Variants in FZD3 observed in about 807,000 individuals in gnomAD.
FZD3 encodes the protein frizzled class receptor 3.
A neutral mutation model predicts 60.7 loss-of-function variants in FZD3; 30 were observed. That is an observed-to-expected ratio of 0.49 (90% CI 0.37 to 0.67). FZD3 has a LOEUF of 0.67. Ranked by LOEUF, FZD3 falls within the 30% of genes least tolerant of loss-of-function variation. The pLI is 0.00. For synonymous variants in FZD3, 246 were observed against 275.2 expected (o/e 0.89, Z 1.05); for missense variants, 605 against 838.7 (o/e 0.72, Z 3.44).
At position 28,551,633 on chromosome 8, in the gene FZD3, C is replaced by G. The variant is rs1251722032; in HGVS notation, c.1435C>G (p.Leu479Val). 1 of 1,610,372 alleles carries G rather than the reference C, an allele frequency of 6.2e-7. No homozygotes were observed. The highest frequency in any genetic ancestry group is 8.5e-7 in the Non-Finnish European group (1 of 1,177,090). Residue 479 changes from leucine to valine, a missense_variant, in exon 6 of 8, where the codon CTC (leucine) becomes GTC (valine). Leu to Val is a conservative substitution (Grantham distance 32, BLOSUM62 1). Coordinates refer to ENST00000240093, the MANE Select transcript of FZD3 (RefSeq NM_017412.4). Reference sequence around the variant, plus strand: ...TCAAATGAGTCGTCCAGACTTGATTCTCTTTCTGATGAAATACCTGATGGC... The same window carrying G: ...TCAAATGAGTCGTCCAGACTTGATTGTCTTTCTGATGAAATACCTGATGGC... ...VTQMSRPDLILFLMKYLMALI... is the reference protein window; with the variant it reads ...VTQMSRPDLIVFLMKYLMALI...
chr8:28,532,702 T>A (rs1420519958), intron 5 of FZD3, among the ~76,000 whole-genome samples: 1 of 152,166 alleles, frequency 6.6e-6, no homozygotes, highest in Non-Finnish European at 1.5e-5. Flanking sequence ...TGTGAGCTAC[T>A]GTGCCTGGCC....
In FZD3 at chr8:28,503,066, G is replaced by A; in HGVS notation, c.53G>A (p.Gly18Glu). 6.2e-7 allele frequency: 1 copy of A among 1,613,652 alleles called. No individual in the cohort carries two copies. Among genetic ancestry groups the A allele is most frequent in the Non-Finnish European group, 8.5e-7 (1 of 1,179,684 alleles). Reference protein sequence around the residue: ...FSLWPLTVFMGHIGGHSLFSC... With the variant: ...FSLWPLTVFMEHIGGHSLFSC... The stretch of plus-strand genomic sequence containing the variant: ...CTTTGGCCCTTGACTGTGTTCATGG[G>A]GCATATAGGTGGGCACAGTTTGTTT... The change falls in exon 3 of 8, where the codon GGG becomes GAG. Residue 18 changes from glycine to glutamate, a missense_variant. Coordinates refer to ENST00000240093, the MANE Select transcript of FZD3 (RefSeq NM_017412.4).
chr8:28,528,183 C>A lies in FZD3; in HGVS notation c.1404+19C>A, dbSNP rs1804769738. 3 of 1,561,964 alleles carry A rather than the reference C, an allele frequency of 1.9e-6. No individual in the cohort carries two copies. Among genetic ancestry groups the A allele is most frequent in the South Asian group, 1.2e-5 (1 of 85,388 alleles). ...ATATCAGGTAAGGGAAACCTTGTTA[C>A]AAATTTCAGAATATATGATAATGAA... On this transcript the variant is annotated intron_variant, in intron 5 of 7. Coordinates refer to ENST00000240093, the MANE Select transcript of FZD3 (RefSeq NM_017412.4).
chr8:28,559,311 A>G (rs1805572732), intron 7 of FZD3, among the ~76,000 whole-genome samples: 1 of 152,208 alleles, frequency 6.6e-6, no homozygotes, highest in Non-Finnish European at 1.5e-5. Context: ...ATTCACAGTA[A>G]TAATAATACA....
rs1394713141 is a variant in FZD3, at chr8:28,551,228, C to CT, written c.1405-374dup. Among the ~76,000 whole-genome samples the CT allele has an allele frequency of 5.3e-5, 8 of 152,254 alleles. No homozygotes were observed. The East Asian group carries it at 1.4e-3, about 26-fold the overall frequency. ...ATCAAATTTGTAGAATTATTTTACT[C>CT]TATTTTATTTAAAAGATTTTGGGCC... On this transcript the variant is annotated intron_variant, in intron 5 of 7. Transcript: ENST00000240093.
chr8:28,533,992 T>A (rs1804945908), intron 5 of FZD3, among the ~76,000 whole-genome samples: 1 of 152,220 alleles, frequency 6.6e-6, no homozygotes, highest in Non-Finnish European at 1.5e-5. Flanking sequence ...CTTATTTGTA[T>A]AGACTTCATT....
chr8:28,498,451 C>T (rs1002581551), intron 1 of FZD3, among the ~76,000 whole-genome samples: 5 of 152,240 alleles, frequency 3.3e-5, no homozygotes, highest in African/African-American at 1.2e-4. Flanking sequence ...CTTCAACTTA[C>T]AGCTTTTCCA....
chr8:28,495,766 T>C (rs1328501585), intron 1 of FZD3, among the ~76,000 whole-genome samples: 2 of 152,114 alleles, frequency 1.3e-5, no homozygotes, highest in Non-Finnish European at 2.9e-5. Flanking sequence ...GAAAGAGGTG[T>C]AAGAGCTTGA....
intron 5 of FZD3, among the ~76,000 whole-genome samples, chr8:28,549,698 C>T (rs1805368849): frequency 6.6e-6 from 1 of 151,962 alleles, no homozygotes; most frequent in Admixed American, 6.6e-5. Context: ...ATGATGTTTG[C>T]TTTTGGATTG....
At position 28,570,975 on chromosome 8, in the gene FZD3, A is replaced by G. The variant is rs1297451519; in HGVS notation, c.*7964A>G. On this transcript the variant is annotated 3_prime_UTR_variant, in exon 8 of 8. Transcript: ENST00000240093. Reference sequence around the variant, plus strand: ...CTTTCAGAAATTATATTAGATGCCCAGCCTTTCTCATTCAGAGATGCCTGT... The same window carrying G: ...CTTTCAGAAATTATATTAGATGCCCGGCCTTTCTCATTCAGAGATGCCTGT... 1 of 150,708 alleles carries G rather than the reference A, an allele frequency of 6.6e-6. No homozygotes were observed. Among genetic ancestry groups the G allele is most frequent in the Non-Finnish European group, 1.5e-5 (1 of 67,814 alleles). 9.3% of individuals were successfully genotyped at this position (150,708 alleles called of 1,614,324 possible). A position where few individuals can be genotyped will look rare whatever the true frequency, so the allele number is the denominator to read the frequency against.
At chr8:28,557,229 A>G (rs1265627197) in intron 7 of FZD3, among the ~76,000 whole-genome samples, 1 of 150,294 alleles carries the variant, frequency 6.7e-6, no homozygotes. Context: ...AAAAAAAAGA[A>G]GAAGAAATGA....
intron 5 of FZD3, among the ~76,000 whole-genome samples, chr8:28,545,858 T>C (rs1479278180): frequency 1.3e-5 from 2 of 152,240 alleles, no homozygotes; most frequent in Non-Finnish European, 2.9e-5. Context: ...ATTACAGCCA[T>C]GCACCACATA....
chr8:28,573,816 G>A lies in FZD3; in HGVS notation c.*10805G>A, dbSNP rs1458341602. 3 of 151,898 alleles carry A rather than the reference G, an allele frequency of 2.0e-5. No homozygotes were observed. The highest frequency in any genetic ancestry group is 2.0e-4 in the Admixed American group (3 of 15,220). 9.4% of individuals were successfully genotyped at this position (151,898 alleles called of 1,614,324 possible). A position where few individuals can be genotyped will look rare whatever the true frequency, so the allele number is the denominator to read the frequency against. On this transcript the variant is annotated 3_prime_UTR_variant, in exon 8 of 8. Transcript: ENST00000240093. ...AAAAATATGTCATTTTTAAATAGCT[G>A]GCACTTAGCAGTTTAGTTTTCCAAA...
At position 28,555,841 on chromosome 8, in the gene FZD3, A is replaced by C. The variant is rs1369560136; in HGVS notation, c.1657A>C (p.Thr553Pro). ...CATAAGAAAGTCAAGGGGAACTTCC[A>C]CTCAAGGAACATCCACCCATGCTTC... ...PIIRKSRGTSTQGTSTHASST... is the reference protein window; with the variant it reads ...PIIRKSRGTSPQGTSTHASST... The change falls in exon 7 of 8, where the codon ACT becomes CCT. Residue 553 changes from threonine (T) to proline (P), a missense_variant. Transcript: ENST00000240093. The C allele has an allele frequency of 1.2e-6, 2 of 1,613,026 alleles. No homozygotes were observed. The highest frequency in any genetic ancestry group is 1.1e-5 in the South Asian group (1 of 91,052).
chr8:28,534,328 A>G (rs1262713494), intron 5 of FZD3, among the ~76,000 whole-genome samples: 3 of 152,220 alleles, frequency 2.0e-5, no homozygotes, highest in Non-Finnish European at 4.4e-5. Flanking sequence ...ATCCATTTCC[A>G]GTAACTTTTT....
Position 28,571,004 on chromosome 8 carries a change from A to ATTATG in FZD3, c.*7998_*8002dup, listed in dbSNP as rs1406199330. 1 of 138,616 alleles carries ATTATG rather than the reference A, an allele frequency of 7.2e-6. No homozygotes were observed. 8.6% of individuals were successfully genotyped at this position (138,616 alleles called of 1,614,324 possible). On this transcript the variant is annotated 3_prime_UTR_variant, in exon 8 of 8. Transcript: ENST00000240093. ...TTTCTCATTCAGAGATGCCTGTATT[A>ATTATG]TTATGTTATTTCGATTGCCTACCAA...
intron 3 of FZD3, among the ~76,000 whole-genome samples, chr8:28,517,525 C>T (rs1001459562): frequency 6.6e-6 from 1 of 152,116 alleles, no homozygotes; most frequent in Admixed American, 6.5e-5. Flanking sequence ...GCCTCTGCCC[C>T]GTTCTTACTG....
chr8:28,530,058 T>C (rs1391799298), intron 5 of FZD3, among the ~76,000 whole-genome samples: 2 of 151,694 alleles, frequency 1.3e-5, no homozygotes, highest in African/African-American at 4.8e-5. Flanking sequence ...TTAGCATCTT[T>C]AGAACCAGTT....
rs1804559106 is a variant in FZD3 at position 28,520,837 on chromosome 8, G to A, written c.386+3G>A. 3.9e-6 allele frequency: 6 copies of A among 1,547,498 alleles called. No individual in the cohort carries two copies. Among genetic ancestry groups the A allele is most frequent in the Non-Finnish European group, 5.3e-6 (6 of 1,137,604 alleles). Reference sequence around the variant, plus strand: ...CCTGAAGATATGGAATGCAGTAGGTGCGAAAATCATAGATTTTCATGGATC... The same window carrying A: ...CCTGAAGATATGGAATGCAGTAGGTACGAAAATCATAGATTTTCATGGATC... On this transcript the variant is annotated splice_donor_region_variant and intron_variant, in intron 4 of 7. Transcript: ENST00000240093.
Sources: gnomAD v4.1 joint callset for allele counts (sites outside exome capture counted in the v4.1 genomes callset) on GRCh38, gnomAD v4.1.1 for gene constraint, MANE v1.5 for transcripts, NCBI Gene and HGNC (gene_info 2026-07-23, HGNC 2026-07-21) for gene names.